Variants in NDUFA5 observed in about 807,000 individuals in gnomAD.
NDUFA5 encodes the protein NADH:ubiquinone oxidoreductase subunit A5.
NDUFA5 carries 11 observed loss-of-function variants against 19.8 expected under a neutral mutation model. The ratio of observed to expected loss-of-function variants is 0.56; its 90% CI spans 0.35 to 0.92. The LOEUF (loss-of-function observed/expected upper bound fraction) is 0.92. NDUFA5 is among the 40% of genes least tolerant of loss of function. NDUFA5 has a pLI of 0.01. For missense variants in NDUFA5, 109 were observed against 134.2 expected (o/e 0.81, Z 0.93); for synonymous variants, 47 against 46.8 (o/e 1.00, Z -0.01).
chr7:123,551,068 G>A (rs996689757), intron 2 of NDUFA5, among the ~76,000 whole-genome samples: 5 of 152,076 alleles, frequency 3.3e-5, no homozygotes, highest in African/African-American at 1.2e-4. Flanking sequence ...TAGGATTACA[G>A]GTGGCCGCCA....
upstream of NDUFA5, chr7:123,557,918 G>A: frequency 4.5e-6 from 7 of 1,541,428 alleles, no homozygotes; most frequent in Non-Finnish European, 6.2e-6. Context: ...CTTCAGGATC[G>A]CCAAAGGAGC....
chr7:123,586,785 A>G, the NDUFA5 span, among the ~76,000 whole-genome samples: 2 of 151,852 alleles, frequency 1.3e-5, no homozygotes, highest in African/African-American at 4.8e-5. Context: ...AGTTTTCCCA[A>G]CATGATTTAT....
chr7:123,594,184 C>T, the NDUFA5 span, among the ~76,000 whole-genome samples: 4 of 151,980 alleles, frequency 2.6e-5, no homozygotes, highest in African/African-American at 9.7e-5. Context: ...TTCCTCTAAC[C>T]TTTTTTCAAG....
chr7:123,585,817 A>C, the NDUFA5 span, among the ~76,000 whole-genome samples: 1 of 151,792 alleles, frequency 6.6e-6, no homozygotes, highest in African/African-American at 2.4e-5. Flanking sequence ...CATATAAGAG[A>C]TATCATGCAG....
the NDUFA5 span, among the ~76,000 whole-genome samples, chr7:123,587,329 A>G: frequency 6.6e-6 from 1 of 151,590 alleles, no homozygotes; most frequent in Non-Finnish European, 1.5e-5. Context: ...TTTTATTAAA[A>G]TTTATTTTTC....
chr7:123,589,147 G>T, the NDUFA5 span, among the ~76,000 whole-genome samples: 1 of 151,736 alleles, frequency 6.6e-6, no homozygotes. Context: ...GAGTATTGAA[G>T]TCCCCTACTA....
At chr7:123,583,242 GATAA>G in the NDUFA5 span, among the ~76,000 whole-genome samples, 2 of 151,768 alleles carry the variant, frequency 1.3e-5, no homozygotes, top group Non-Finnish European at 1.5e-5. Context: ...TAAATAAATA[GATAA>G]ATAAATAAAA....
chr7:123,591,644 G>A, the NDUFA5 span, among the ~76,000 whole-genome samples: 1 of 152,178 alleles, frequency 6.6e-6, no homozygotes, highest in East Asian at 1.9e-4. Context: ...TCCCAGGGAT[G>A]AAGCCAACTT....
At chr7:123,598,871 G>A in the NDUFA5 span, 2 of 152,184 alleles carry the variant, frequency 1.3e-5, no homozygotes, top group Non-Finnish European at 2.9e-5. Context: ...AGGGGCCTGT[G>A]ACATCAGTGC....
At chr7:123,597,922 G>GTGTGTA in the NDUFA5 span, among the ~76,000 whole-genome samples, 2 of 117,188 alleles carry the variant, frequency 1.7e-5, no homozygotes, top group African/African-American at 3.2e-5. Context: ...AACTTCGTGT[G>GTGTGTA]TGTGTGTGTG....
chr7:123,553,741 T>C (rs1188473085), intron 2 of NDUFA5, among the ~76,000 whole-genome samples: 1 of 152,166 alleles, frequency 6.6e-6, no homozygotes, highest in African/African-American at 2.4e-5. Context: ...TCCATCTCTG[T>C]GCCTTCATCC....
chr7:123,544,375 G>A (rs1798047451), intron 4 of NDUFA5, among the ~76,000 whole-genome samples: 1 of 151,936 alleles, frequency 6.6e-6, no homozygotes, highest in South Asian at 2.1e-4. Context: ...GCACATGCCT[G>A]TAATCCTAGC....
At chr7:123,592,273 G>A in the NDUFA5 span, among the ~76,000 whole-genome samples, 1 of 150,266 alleles carries the variant, frequency 6.7e-6, no homozygotes, top group Admixed American at 6.6e-5. Context: ...GATTTTTTGT[G>A]TCTCTGTCTC....
At chr7:123,577,718 T>C in the NDUFA5 span, among the ~76,000 whole-genome samples, 3 of 152,212 alleles carry the variant, frequency 2.0e-5, no homozygotes, top group South Asian at 6.2e-4. Flanking sequence ...TCTTTGGATA[T>C]GGTTATGCAA....
At chr7:123,546,890 C>A (rs1798154232) in intron 3 of NDUFA5, 4 of 428,442 alleles carry the variant, frequency 9.3e-6, no homozygotes, top group South Asian at 6.9e-5. Context: ...ACAGCAAAGA[C>A]TTCACATATA....
chr7:123,598,512 GA>G, the NDUFA5 span, among the ~76,000 whole-genome samples: 1 of 150,374 alleles, frequency 6.7e-6, no homozygotes, highest in African/African-American at 2.4e-5. Flanking sequence ...GGAAAAACAA[GA>G]AAAAAAAAGA....
upstream of NDUFA5, among the ~76,000 whole-genome samples, chr7:123,560,845 A>G (rs1798679027): frequency 6.6e-6 from 1 of 152,110 alleles, no homozygotes; most frequent in Non-Finnish European, 1.5e-5. Flanking sequence ...GAGCTGTAAT[A>G]TATGAAATCT....
the NDUFA5 span, among the ~76,000 whole-genome samples, chr7:123,585,251 A>G: frequency 7.7e-3 from 1,170 of 151,896 alleles, 18 homozygotes; most frequent in African/African-American, 0.027. Context: ...CTGAAAATTG[A>G]AAAATTTGTT....
chr7:123,594,082 CT>C, the NDUFA5 span, among the ~76,000 whole-genome samples: 2 of 152,044 alleles, frequency 1.3e-5, no homozygotes, highest in Non-Finnish European at 2.9e-5. Context: ...GCTACTGAAG[CT>C]TGTGTATGCT....
Sources: gnomAD v4.1 joint callset for allele counts (sites outside exome capture counted in the v4.1 genomes callset) on GRCh38, gnomAD v4.1.1 for gene constraint, MANE v1.5 for transcripts, NCBI Gene and HGNC (gene_info 2026-07-23, HGNC 2026-07-21) for gene names.